The following RBL1 variants were observed in gnomAD, a reference collection of about 807,000 sequenced individuals.
The protein encoded by RBL1 is RB transcriptional corepressor like 1.
Under a neutral mutation model 123.0 loss-of-function variants are expected in RBL1, and 82 were observed. That is an observed-to-expected ratio of 0.67 (90% CI 0.56 to 0.80). RBL1 has a LOEUF of 0.80. Among genes scored for constraint, RBL1 ranks in the 30% least tolerant of loss-of-function variants. The probability of loss-of-function intolerance (pLI) is 0.00; values close to 1 mark genes in which losing one functional copy is unlikely to be tolerated. For synonymous variants in RBL1, 405 were observed against 441.3 expected (o/e 0.92, Z 1.03); for missense variants, 1,171 against 1,299.6 (o/e 0.90, Z 1.52).
At chr20:37,037,869 T>C (rs993260659) in intron 14 of RBL1, among the ~76,000 whole-genome samples, 7 of 152,046 alleles carry the variant, frequency 4.6e-5, no homozygotes, top group African/African-American at 1.7e-4. Flanking sequence ...TGTATTTTAC[T>C]AGGGACCAGT....
At chr20:37,082,679 T>C (rs944813845) in intron 2 of RBL1, among the ~76,000 whole-genome samples, 2 of 152,208 alleles carry the variant, frequency 1.3e-5, no homozygotes, top group African/African-American at 4.8e-5. Flanking sequence ...TGACATAGTA[T>C]TTACATTGTA....
chr20:37,042,425 T>A (rs1179409214), intron 13 of RBL1, among the ~76,000 whole-genome samples: 1 of 152,160 alleles, frequency 6.6e-6, no homozygotes, highest in African/African-American at 2.4e-5. Context: ...CTGGAATCTT[T>A]CTACATTGAC....
At chr20:37,069,801 GGGTCAGCCCCCTGCCA>G (rs2065253283) in intron 2 of RBL1, among the ~76,000 whole-genome samples, 1 of 151,404 alleles carries the variant, frequency 6.6e-6, no homozygotes, top group Non-Finnish European at 1.5e-5. Context: ...GGAGGTGGGG[GGGTCAGCCCCCTGCCA>G]GGCCAGCCGC....
chr20:37,077,935 T>C (rs184603981), intron 2 of RBL1, among the ~76,000 whole-genome samples: 1 of 152,208 alleles, frequency 6.6e-6, no homozygotes, highest in Admixed American at 6.5e-5. Flanking sequence ...ATTTTAAACA[T>C]CCTAATCCAG....
In RBL1 at chr20:37,047,121, A is replaced by G. The variant is rs1171049682; in HGVS notation, c.1537T>C (p.Tyr513His). ...ACCLEIVLFA[Y>H]SSPRTFPWII... ...CAAGGAAAAGTACGAGGTGAGCTAT[A>G]GGCAAAGAGCACAATTTCCAAACAA... is the stretch of plus-strand genomic sequence containing the variant. Residue 513 changes from tyrosine (Y) to histidine (H), a missense_variant, in exon 12 of 22, where the codon TAT becomes CAT. Physicochemically the swap from Tyr to His is moderately conservative, Grantham distance 83 (BLOSUM62 2). Transcript: ENST00000373664. 3.7e-6 allele frequency: 6 copies of G among 1,607,068 alleles called. No homozygotes were observed. In the South Asian group the frequency reaches 5.6e-5, roughly 15 times the overall value.
At position 37,063,828 on chromosome 20, in the gene RBL1, G is replaced by GTT. The variant is rs199725710; in HGVS notation, c.897-1560_897-1559dup. On this transcript the variant is annotated intron_variant, in intron 7 of 21. Coordinates refer to ENST00000373664, the MANE Select transcript of RBL1 (RefSeq NM_002895.5). The stretch of plus-strand genomic sequence containing the variant: ...TGCCCGGCCTCTTTCTTTTTTTCTT[G>GTT]TTTTTTTTTTTGGAAATAGGGTCTC... Among the ~76,000 whole-genome samples the GTT allele has an allele frequency of 2.4e-4, 33 of 136,358 alleles. No homozygotes were observed. The East Asian group carries it at 3.1e-3, about 13-fold the overall frequency. The allele number at this position is 136,358 out of a possible 152,430, so 89.5% of individuals were successfully genotyped here.
chr20:37,071,972 A>G (rs1270605504), intron 2 of RBL1, among the ~76,000 whole-genome samples: 1 of 152,130 alleles, frequency 6.6e-6, no homozygotes, highest in Non-Finnish European at 1.5e-5. Context: ...CTTTTTTTAA[A>G]TAAGTCACCC....
At position 37,095,874 on chromosome 20, in the gene RBL1, C is replaced by G. The variant is rs754639989; in HGVS notation, c.55G>C (p.Glu19Gln). 2 of 1,605,390 alleles carry G rather than the reference C, an allele frequency of 1.2e-6. No individual in the cohort carries two copies. Among genetic ancestry groups the G allele is most frequent in the South Asian group, 1.1e-5 (1 of 89,966 alleles). Reference sequence around the variant, plus strand: ...TCCTGGCACAGGGCCTGTAGCGCCTCCCCGGCTGCGGCGACCACCGCCGCC... The same window carrying G: ...TCCTGGCACAGGGCCTGTAGCGCCTGCCCGGCTGCGGCGACCACCGCCGCC... Reference protein sequence around the residue: ...EGAAVVAAAGEALQALCQELN... With the variant: ...EGAAVVAAAGQALQALCQELN... Residue 19 changes from glutamate (E) to glutamine (Q), a missense_variant, in exon 1 of 22, where the codon GAG (glutamate) becomes CAG (glutamine). Physicochemically the swap from Glu to Gln is conservative, Grantham distance 29. Transcript: ENST00000373664.
At chr20:37,036,834 C>T (rs2146255197) in intron 14 of RBL1, among the ~76,000 whole-genome samples, 1 of 152,150 alleles carries the variant, frequency 6.6e-6, no homozygotes, top group South Asian at 2.1e-4. Flanking sequence ...ACCGTGTTAG[C>T]CAGGATGGTC....
intron 19 of RBL1, among the ~76,000 whole-genome samples, chr20:37,015,272 A>G (rs956545026): frequency 1.3e-5 from 2 of 152,258 alleles, no homozygotes; most frequent in Admixed American, 6.5e-5. Context: ...TGTAGCTCAG[A>G]TACTTGCTAG....
chr20:37,036,562 G>A (rs75321143), intron 14 of RBL1, among the ~76,000 whole-genome samples: 2 of 151,538 alleles, frequency 1.3e-5, no homozygotes, highest in Admixed American at 6.6e-5. Flanking sequence ...CACCGTGCCC[G>A]GCCTTCATTA....
intron 21 of RBL1, among the ~76,000 whole-genome samples, chr20:37,000,467 G>C (rs2063953083): frequency 7.1e-6 from 1 of 141,570 alleles, no homozygotes; most frequent in Admixed American, 6.8e-5. Context: ...AGGGAGGTGG[G>C]GGGGGTCAGC....
chr20:37,069,845 T>TGGG (rs1270513180), intron 2 of RBL1, among the ~76,000 whole-genome samples: 6 of 139,152 alleles, frequency 4.3e-5, no homozygotes, highest in African/African-American at 1.7e-4. Context: ...GGGAGGGAGG[T>TGGG]GGGGGGGTCA....
At chr20:37,093,829 C>T (rs950234592) in intron 1 of RBL1, among the ~76,000 whole-genome samples, 6 of 151,876 alleles carry the variant, frequency 4.0e-5, no homozygotes, top group Non-Finnish European at 8.8e-5. Context: ...TTAGTAGAGA[C>T]GGGGTTTCAC....
chr20:37,064,874 C>T (rs533084181), intron 7 of RBL1, among the ~76,000 whole-genome samples: 8 of 152,224 alleles, frequency 5.3e-5, no homozygotes, highest in African/African-American at 1.9e-4. Flanking sequence ...GATCGGCCCG[C>T]CTTGGCCTCC....
chr20:37,001,144 G>A (rs903153267), intron 21 of RBL1, among the ~76,000 whole-genome samples: 4 of 148,766 alleles, frequency 2.7e-5, no homozygotes, highest in Admixed American at 6.6e-5. Flanking sequence ...CCCCCCGCCC[G>A]GCCAGCCGCC....
Position 37,018,110 on chromosome 20 carries a change from T to C in RBL1, c.2722+169A>G, listed in dbSNP as rs567536612. On this transcript the variant is annotated intron_variant, in intron 19 of 21. Coordinates refer to ENST00000373664, the MANE Select transcript of RBL1 (RefSeq NM_002895.5). The stretch of plus-strand genomic sequence containing the variant: ...ACAGGGGACAAATTAATGGTTTCAA[T>C]AAACTATACCAGCACATTCTAATCT... 5.3e-5 allele frequency among the ~76,000 whole-genome samples: 8 copies of C among 152,350 alleles called. No homozygotes were observed. In the South Asian group the frequency reaches 1.7e-3, roughly 32 times the overall value.
At chr20:37,079,500 T>C (rs1005452480) in intron 2 of RBL1, among the ~76,000 whole-genome samples, 7 of 145,434 alleles carry the variant, frequency 4.8e-5, no homozygotes, top group African/African-American at 1.5e-4. Context: ...AGGGTCTTGC[T>C]CTGTCACCTA....
chr20:37,032,662 T>C lies in RBL1; in HGVS notation c.2382+3A>G, dbSNP rs762804855. The C allele has an allele frequency of 6.2e-7, 1 of 1,613,850 alleles. No individual in the cohort carries two copies. Among genetic ancestry groups the C allele is most frequent in the Admixed American group, 1.7e-5 (1 of 59,998 alleles). The stretch of plus-strand genomic sequence containing the variant: ...TCTTCTAAAGTGCTATAAAAACACA[T>C]ACCTTTCTGTAAAATAGTGCTAAGG... On this transcript the variant is annotated splice_donor_region_variant and intron_variant, in intron 16 of 21. Transcript: ENST00000373664.
Sources: allele counts gnomAD v4.1 joint callset (sites outside exome capture counted in the v4.1 genomes callset), GRCh38; gene constraint gnomAD v4.1.1; transcripts MANE v1.5; gene names NCBI Gene and HGNC (gene_info 2026-07-23, HGNC 2026-07-21).